SAMD3: variants seen among roughly 807,000 people sequenced by gnomAD.
SAMD3 encodes the protein sterile alpha motif domain containing 3.
In SAMD3, 63 loss-of-function variants were observed where a neutral mutation model predicts 58.5. That is an observed-to-expected ratio of 1.08 (90% CI 0.88 to 1.33). The LOEUF (loss-of-function observed/expected upper bound fraction) is 1.33. SAMD3 is among the 40% of genes most tolerant of loss of function. SAMD3 has a pLI of 0.00. For synonymous variants in SAMD3, 220 were observed against 210.3 expected (o/e 1.05, Z -0.40); for missense variants, 604 against 608.4 (o/e 0.99, Z 0.08).
At chr6:130,360,864 A>C (rs190907334) in intron 1 of SAMD3, among the ~76,000 whole-genome samples, 3 of 152,190 alleles carry the variant, frequency 2.0e-5, no homozygotes, top group African/African-American at 7.2e-5. Flanking sequence ...AGGGATGTTC[A>C]TTGCTGAGAA....
rs540492153 is a variant in SAMD3, at chr6:130,297,434, TC to T, written c.-188+15543del. ...TCAAAAATAAGAAGCACCAGTTCCC[TC>T]AGATGAGAAGGAATCAGCACAAGAA... On this transcript the variant is annotated intron_variant, in intron 2 of 13. Coordinates refer to the SAMD3 transcript ENST00000368134. Among the ~76,000 whole-genome samples the T allele has an allele frequency of 1.4e-3, 206 of 152,244 alleles. 1 individual carries two copies. Among genetic ancestry groups the T allele is most frequent in the African/African-American group, 4.8e-3 (198 of 41,534 alleles).
chr6:130,192,227 A>G (rs552435534), intron 5 of SAMD3, among the ~76,000 whole-genome samples: 30 of 152,324 alleles, frequency 2.0e-4, no homozygotes, highest in African/African-American at 5.3e-4. Context: ...AAGATATAAA[A>G]TATCAAATAT....
At chr6:130,349,579 T>C (rs998198104) in intron 1 of SAMD3, among the ~76,000 whole-genome samples, 1 of 152,186 alleles carries the variant, frequency 6.6e-6, no homozygotes, top group Admixed American at 6.5e-5. Flanking sequence ...CAATAATTAA[T>C]AGCTTACCAA....
At chr6:130,291,668 G>A (rs1226071576) in intron 2 of SAMD3, among the ~76,000 whole-genome samples, 1 of 152,198 alleles carries the variant, frequency 6.6e-6, no homozygotes, top group Non-Finnish European at 1.5e-5. Context: ...GATATGTAAT[G>A]TTATTTGCTA....
intron 7 of SAMD3, among the ~76,000 whole-genome samples, chr6:130,180,882 A>G (rs904154491): frequency 6.6e-6 from 1 of 151,748 alleles, no homozygotes; most frequent in African/African-American, 2.4e-5. Flanking sequence ...GTATATGCAT[A>G]TCAATGTAGC....
intron 2 of SAMD3, among the ~76,000 whole-genome samples, chr6:130,308,869 G>A (rs1032767161): frequency 1.3e-5 from 2 of 152,112 alleles, no homozygotes; most frequent in Non-Finnish European, 2.9e-5. Context: ...AATTTATTGA[G>A]AATGAGTGCA....
chr6:130,292,454 T>G (rs1775403845), intron 2 of SAMD3, among the ~76,000 whole-genome samples: 1 of 147,464 alleles, frequency 6.8e-6, no homozygotes, highest in Non-Finnish European at 1.5e-5. Flanking sequence ...GCCCGGCTAA[T>G]TTTTGTATTT....
chr6:130,169,105 G>A (rs1403777137), intron 8 of SAMD3, among the ~76,000 whole-genome samples: 1 of 152,076 alleles, frequency 6.6e-6, no homozygotes, highest in African/African-American at 2.4e-5. Context: ...CACCATGCCT[G>A]GCTCAGCAAT....
intron 2 of SAMD3, among the ~76,000 whole-genome samples, chr6:130,269,612 T>C (rs1281150198): frequency 1.3e-5 from 2 of 152,130 alleles, no homozygotes; most frequent in Non-Finnish European, 2.9e-5. Context: ...CTTTTTCTTT[T>C]TGTCAGTCTT....
intron 10 of SAMD3, among the ~76,000 whole-genome samples, chr6:130,145,768 C>T (rs1788564046): frequency 6.6e-6 from 1 of 151,982 alleles, no homozygotes; most frequent in Admixed American, 6.5e-5. Flanking sequence ...AAAATCTATA[C>T]CTCTCCTCCT....
At chr6:130,285,090 A>T (rs755691903) in intron 2 of SAMD3, among the ~76,000 whole-genome samples, 2 of 152,224 alleles carry the variant, frequency 1.3e-5, no homozygotes, top group African/African-American at 4.8e-5. Flanking sequence ...AATGGACTAG[A>T]TCTCATGGAT....
intron 2 of SAMD3, among the ~76,000 whole-genome samples, chr6:130,230,937 G>A (rs1032861522): frequency 5.3e-5 from 8 of 152,098 alleles, no homozygotes; most frequent in Non-Finnish European, 1.2e-4. Flanking sequence ...TTCACCTGGG[G>A]GAAGAGTCTC....
In SAMD3 at chr6:130,209,491, C is replaced by G; in HGVS notation, c.383+4G>C. On this transcript the variant is annotated splice_donor_region_variant and intron_variant, in intron 5 of 11. Coordinates refer to ENST00000439090, the MANE Select transcript of SAMD3 (RefSeq NM_001017373.4). Reference sequence around the variant, plus strand: ...TTAAACTGTCTTAAAGTTGGTACCCCCACCTCTGTTTCAATACTCTTTGGT... The same window carrying G: ...TTAAACTGTCTTAAAGTTGGTACCCGCACCTCTGTTTCAATACTCTTTGGT... 6.5e-7 allele frequency: 1 copy of G among 1,538,644 alleles called. No homozygotes were observed. The highest frequency in any genetic ancestry group is 9.0e-7 in the Non-Finnish European group (1 of 1,111,824).
chr6:130,330,624 T>C (rs1343671899), intron 1 of SAMD3, among the ~76,000 whole-genome samples: 3 of 152,168 alleles, frequency 2.0e-5, no homozygotes, highest in Admixed American at 6.6e-5. Context: ...TAAAGAAGAA[T>C]TATGTAACTG....
chr6:130,165,987 C>T (rs1790705456), intron 8 of SAMD3, among the ~76,000 whole-genome samples: 1 of 152,124 alleles, frequency 6.6e-6, no homozygotes, highest in African/African-American at 2.4e-5. Flanking sequence ...AGGGTCAGGA[C>T]AGTAAGAGCA....
intron 1 of SAMD3, among the ~76,000 whole-genome samples, chr6:130,323,376 T>G (rs1342636741): frequency 6.6e-6 from 1 of 152,182 alleles, no homozygotes; most frequent in Non-Finnish European, 1.5e-5. Context: ...CTTAATTCAC[T>G]CTTTCACTTG....
chr6:130,334,410 T>C (rs556610572), intron 1 of SAMD3, among the ~76,000 whole-genome samples: 2 of 115,576 alleles, frequency 1.7e-5, no homozygotes, highest in East Asian at 4.9e-4. Context: ...AGTCCTTTCC[T>C]GAAAAAAAGG....
chr6:130,341,239 C>G (rs1247643483), intron 1 of SAMD3, among the ~76,000 whole-genome samples: 1 of 152,166 alleles, frequency 6.6e-6, no homozygotes, highest in Non-Finnish European at 1.5e-5. Context: ...TTTGCTTTAA[C>G]ACATGATATC....
intron 1 of SAMD3, among the ~76,000 whole-genome samples, chr6:130,350,674 T>A (rs1055350719): frequency 3.4e-4 from 52 of 152,320 alleles, no homozygotes; most frequent in South Asian, 8.3e-4. Context: ...TTCAATGCCA[T>A]TCCCATCAAA....
Sources: gnomAD v4.1 joint callset for allele counts (sites outside exome capture counted in the v4.1 genomes callset) on GRCh38, gnomAD v4.1.1 for gene constraint, MANE v1.5 for transcripts, NCBI Gene and HGNC (gene_info 2026-07-23, HGNC 2026-07-21) for gene names.